Variants in SGCZ observed in about 807,000 individuals in gnomAD.
SGCZ encodes sarcoglycan zeta.
A neutral mutation model predicts 41.3 loss-of-function variants in SGCZ; 40 were observed. That is an observed-to-expected ratio of 0.97 (90% CI 0.75 to 1.26). SGCZ has a LOEUF of 1.26. SGCZ is among the 50% of genes most tolerant of loss of function. The pLI, the probability that SGCZ is intolerant of heterozygous loss-of-function variation, is 0.00. For synonymous variants in SGCZ, 206 were observed against 137.5 expected (o/e 1.50, Z -3.49); for missense variants, 552 against 369.8 (o/e 1.49, Z -4.04).
At chr8:15,231,131 G>A (rs563852058) in intron 1 of SGCZ, among the ~76,000 whole-genome samples, 31 of 152,292 alleles carry the variant, frequency 2.0e-4, no homozygotes, top group African/African-American at 6.0e-4. Flanking sequence ...CCATTTTAGC[G>A]TGGGGTGACT....
chr8:14,345,458 A>G (rs1242832581), intron 2 of SGCZ, among the ~76,000 whole-genome samples: 1 of 152,272 alleles, frequency 6.6e-6, no homozygotes, highest in Non-Finnish European at 1.5e-5. Flanking sequence ...TTTCTTACAA[A>G]TGGCAAATAA....
intron 4 of SGCZ, among the ~76,000 whole-genome samples, chr8:14,222,632 A>G (rs965140393): frequency 6.6e-6 from 1 of 151,816 alleles, no homozygotes; most frequent in African/African-American, 2.4e-5. Context: ...TTTTCCCATT[A>G]TTTATTGTTT....
chr8:14,632,619 C>G (rs190385152), intron 1 of SGCZ, among the ~76,000 whole-genome samples: 1 of 152,040 alleles, frequency 6.6e-6, no homozygotes, highest in Admixed American at 6.6e-5. Context: ...TTACTGAATA[C>G]TTTTCAGATC....
At chr8:14,422,297 G>A (rs190543275) in intron 2 of SGCZ, among the ~76,000 whole-genome samples, 1 of 152,288 alleles carries the variant, frequency 6.6e-6, no homozygotes, top group East Asian at 1.9e-4. Flanking sequence ...ATCTTTGTTT[G>A]AAAAGTAGAA....
At chr8:15,098,237 G>T (rs898413828) in intron 1 of SGCZ, among the ~76,000 whole-genome samples, 1 of 152,020 alleles carries the variant, frequency 6.6e-6, no homozygotes, top group African/African-American at 2.4e-5. Flanking sequence ...AAGAAAAAAT[G>T]AGAAAGGAAA....
chr8:14,797,373 A>G (rs749505925), intron 1 of SGCZ, among the ~76,000 whole-genome samples: 20 of 152,158 alleles, frequency 1.3e-4, no homozygotes, highest in Non-Finnish European at 2.4e-4. Context: ...TTGTTGGTAA[A>G]TGGAGCAAAG....
intron 2 of SGCZ, among the ~76,000 whole-genome samples, chr8:14,447,911 G>A (rs1299696568): frequency 6.6e-6 from 1 of 152,108 alleles, no homozygotes; most frequent in Non-Finnish European, 1.5e-5. Context: ...CACCTCATAT[G>A]ACTTATATGG....
At chr8:15,151,910 C>G (rs922585114) in intron 1 of SGCZ, among the ~76,000 whole-genome samples, 1 of 152,016 alleles carries the variant, frequency 6.6e-6, no homozygotes, top group Non-Finnish European at 1.5e-5. Flanking sequence ...GCGGTTAATC[C>G]ATGTGTAAAC....
intron 2 of SGCZ, among the ~76,000 whole-genome samples, chr8:14,539,564 G>C (rs972237615): frequency 1.3e-5 from 2 of 151,806 alleles, no homozygotes; most frequent in Admixed American, 6.6e-5. Flanking sequence ...CTTATTTTAA[G>C]TTCAGGGGTA....
chr8:14,554,621 A>G, intron 2 of SGCZ, 111 bp downstream of exon 2: 1 of 891,070 alleles, frequency 1.1e-6, no homozygotes. Context: ...ATTTAAAAAC[A>G]CACACTTGTA....
At chr8:14,149,163 A>G (rs1056600509) in intron 5 of SGCZ, among the ~76,000 whole-genome samples, 27 of 152,242 alleles carry the variant, frequency 1.8e-4, no homozygotes, top group Admixed American at 1.5e-3. Flanking sequence ...GTTATTCACC[A>G]TAGTACTGGA....
chr8:14,711,685 G>A (rs1265320053), intron 1 of SGCZ, among the ~76,000 whole-genome samples: 1 of 150,578 alleles, frequency 6.6e-6, no homozygotes, highest in African/African-American at 2.4e-5. Flanking sequence ...TATGTAATAA[G>A]TCATATTTAC....
chr8:14,845,115 G>A (rs1239253015), intron 1 of SGCZ, among the ~76,000 whole-genome samples: 1 of 152,112 alleles, frequency 6.6e-6, no homozygotes, highest in Admixed American at 6.6e-5. Context: ...AACCACTGAA[G>A]GACAGGGAAA....
intron 1 of SGCZ, among the ~76,000 whole-genome samples, chr8:15,164,988 T>C (rs1423315761): frequency 6.6e-6 from 1 of 152,066 alleles, no homozygotes; most frequent in Non-Finnish European, 1.5e-5. Context: ...CTGTGTGATG[T>C]GTGTCAAAAG....
intron 2 of SGCZ, among the ~76,000 whole-genome samples, chr8:14,409,386 TA>T (rs1467720645): frequency 1.3e-5 from 2 of 152,122 alleles, no homozygotes; most frequent in African/African-American, 4.8e-5. Context: ...TGGAGGTAAA[TA>T]TTGATCGTAT....
intron 1 of SGCZ, among the ~76,000 whole-genome samples, chr8:15,097,861 T>TATATATATATATACAC (rs1284608042): frequency 3.5e-4 from 6 of 16,964 alleles, no homozygotes; most frequent in African/African-American, 1.7e-3. Flanking sequence ...TATATACGTG[T>TATATATATATATACAC]GTGTGTATAT....
chr8:14,399,351 C>T (rs11993428), intron 2 of SGCZ, among the ~76,000 whole-genome samples: 1 of 151,878 alleles, frequency 6.6e-6, no homozygotes, highest in African/African-American at 2.4e-5. Context: ...TAGAATCTGA[C>T]AGGCCTGGGC....
At chr8:14,880,190 C>G (rs1484021181) in intron 1 of SGCZ, among the ~76,000 whole-genome samples, 1 of 152,122 alleles carries the variant, frequency 6.6e-6, no homozygotes, top group African/African-American at 2.4e-5. Flanking sequence ...GTATGGCATT[C>G]TACTCTACTA....
At chr8:15,199,968 A>C (rs1331574025) in intron 1 of SGCZ, among the ~76,000 whole-genome samples, 2 of 152,206 alleles carry the variant, frequency 1.3e-5, no homozygotes, top group East Asian at 3.9e-4. Flanking sequence ...ATAGGGAAGA[A>C]TGATAGCACC....
Sources: gnomAD v4.1 joint callset for allele counts (sites outside exome capture counted in the v4.1 genomes callset) on GRCh38, gnomAD v4.1.1 for gene constraint, MANE v1.5 for transcripts, NCBI Gene and HGNC (gene_info 2026-07-23, HGNC 2026-07-21) for gene names.